The following TRHR variants were observed in gnomAD, a reference collection of about 807,000 sequenced individuals.
The protein encoded by TRHR is thyrotropin-releasing hormone receptor.
In TRHR, 14 loss-of-function variants were observed where a neutral mutation model predicts 28.0. The observed-to-expected ratio is 0.50, with a 90% confidence interval of 0.33 to 0.78. TRHR has a LOEUF of 0.78. Ranked by LOEUF, TRHR falls within the 30% of genes least tolerant of loss-of-function variation. The probability of loss-of-function intolerance (pLI) is 0.02; values close to 1 mark genes in which losing one functional copy is unlikely to be tolerated. For synonymous variants in TRHR, 176 were observed against 171.9 expected (o/e 1.02, Z -0.18); for missense variants, 438 against 469.5 (o/e 0.93, Z 0.62).
intron 2 of TRHR, among the ~76,000 whole-genome samples, chr8:109,101,196 C>T (rs146062665): frequency 5.3e-4 from 81 of 152,082 alleles, no homozygotes; most frequent in African/African-American, 1.8e-3. Context: ...GGGCAAGATA[C>T]GAATCAATCT....
intron 2 of TRHR, among the ~76,000 whole-genome samples, chr8:109,090,668 A>G (rs1277286245): frequency 2.0e-5 from 3 of 152,338 alleles, no homozygotes; most frequent in Middle Eastern, 3.4e-3. Flanking sequence ...CAGGGATCAG[A>G]GAAGTCTTTA....
At chr8:109,110,524 A>G (rs186289807) in intron 2 of TRHR, among the ~76,000 whole-genome samples, 60 of 152,224 alleles carry the variant, frequency 3.9e-4, no homozygotes, top group Non-Finnish European at 1.5e-5. Context: ...TTTTAATCAG[A>G]ATAGAGCCCA....
chr8:109,109,411 T>C (rs1200409825), intron 2 of TRHR, among the ~76,000 whole-genome samples: 2 of 150,420 alleles, frequency 1.3e-5, no homozygotes, highest in East Asian at 3.9e-4. Flanking sequence ...AAAATGCAGA[T>C]AAAAAGTAGG....
intron 2 of TRHR, among the ~76,000 whole-genome samples, chr8:109,090,784 G>C (rs191089861): frequency 1.3e-5 from 2 of 152,300 alleles, no homozygotes; most frequent in East Asian, 1.9e-4. Flanking sequence ...CATAGTGGCT[G>C]GGATGAGAAT....
chr8:109,093,819 T>G (rs2129878353), intron 2 of TRHR, among the ~76,000 whole-genome samples: 1 of 150,862 alleles, frequency 6.6e-6, no homozygotes, highest in Non-Finnish European at 1.5e-5. Flanking sequence ...TTGACCCAGC[T>G]CTACCTTTAG....
At chr8:109,088,444 A>G in intron 2 of TRHR, 143 bp downstream of exon 2, 2 of 926,186 alleles carry the variant, frequency 2.2e-6, no homozygotes, top group African/African-American at 1.7e-5. Context: ...CTTCTGCCTA[A>G]CATATTAAAT....
rs767535320 is a variant in TRHR at position 109,119,137 on chromosome 8, C to T, written c.879C>T (p.Ser293=). The T allele has an allele frequency of 2.5e-6, 4 of 1,612,694 alleles. No homozygotes were observed. The South Asian group carries it at 3.3e-5, about 13-fold the overall frequency. The part of the protein sequence containing the change: ...RTLVVVNSFL[S]SPFQENWFLL... The stretch of plus-strand genomic sequence containing the variant: ...TAGTGGTTGTCAACTCATTTCTCTC[C>T]AGTCCTTTCCAAGAAAATTGGTTTT... Residue 293 remains serine, a synonymous_variant, in exon 3 of 3, where the codon TCC becomes TCT. Transcript: ENST00000518632.
chr8:109,111,691 A>T (rs1811832367), intron 2 of TRHR, among the ~76,000 whole-genome samples: 1 of 152,182 alleles, frequency 6.6e-6, no homozygotes. Flanking sequence ...ACTCAATAAT[A>T]ATTTAACTGT....
intron 2 of TRHR, among the ~76,000 whole-genome samples, chr8:109,107,510 T>C (rs1002365200): frequency 6.6e-6 from 1 of 152,192 alleles, no homozygotes; most frequent in African/African-American, 2.4e-5. Flanking sequence ...ATACTAATAC[T>C]GCAAACCAAC....
chr8:109,116,587 T>C (rs1167054535), intron 2 of TRHR, among the ~76,000 whole-genome samples: 2 of 152,060 alleles, frequency 1.3e-5, no homozygotes, highest in Non-Finnish European at 2.9e-5. Context: ...AGTTTATTTG[T>C]GTAGAGGTGT....
chr8:109,115,155 T>A (rs1031180647), intron 2 of TRHR, among the ~76,000 whole-genome samples: 2 of 152,154 alleles, frequency 1.3e-5, no homozygotes, highest in African/African-American at 4.8e-5. Flanking sequence ...GAGGGCTCTG[T>A]TCTGTTCCAT....
In TRHR at chr8:109,088,283, A is replaced by T. The variant is rs774958577; in HGVS notation, c.771A>T (p.Thr257=). 19 of 1,613,824 alleles carry T rather than the reference A, an allele frequency of 1.2e-5. No homozygotes were observed. The highest frequency in any genetic ancestry group is 1.5e-5 in the Non-Finnish European group (18 of 1,180,012). Residue 257 remains threonine (T), a synonymous_variant, in exon 2 of 3, where the codon ACA becomes ACT. Transcript: ENST00000518632. ...CCTCTAATAGATGTTTCAACAGCAC[A>T]GTATCTTCAAGGAAGCAGGTAAGCA... ...VNTSNRCFNS[T]VSSRKQVTKM...
chr8:109,102,528 GA>G (rs1240984827), intron 2 of TRHR, among the ~76,000 whole-genome samples: 1 of 152,132 alleles, frequency 6.6e-6, no homozygotes, highest in African/African-American at 2.4e-5. Flanking sequence ...AATTAAAGAA[GA>G]AATGAATGAG....
At chr8:109,111,588 A>G (rs191423981) in intron 2 of TRHR, among the ~76,000 whole-genome samples, 106 of 152,364 alleles carry the variant, frequency 7.0e-4, no homozygotes, top group Non-Finnish European at 8.8e-4. Flanking sequence ...CAGAAGAAAT[A>G]CAAGAACTAG....
rs565503092 is a variant in TRHR, at chr8:109,093,439, C to T, written c.789+5138C>T. Reference sequence around the variant, plus strand: ...TTTTTTTTTTTGAGACAGAGTCTCACCCTGTCACCAGGCTGGAGTGCAGTG... The same window carrying T: ...TTTTTTTTTTTGAGACAGAGTCTCATCCTGTCACCAGGCTGGAGTGCAGTG... On this transcript the variant is annotated intron_variant, in intron 2 of 2. Transcript: ENST00000518632. Among the ~76,000 whole-genome samples, 398 of 131,692 alleles carry T rather than the reference C, an allele frequency of 3.0e-3. 1 individual carries two copies. Among genetic ancestry groups the T allele is most frequent in the African/African-American group, 0.011 (376 of 34,346 alleles). 86.4% of individuals were successfully genotyped at this position (131,692 alleles called of 152,430 possible). A position where few individuals can be genotyped will look rare whatever the true frequency, so the allele number is the denominator to read the frequency against.
intron 2 of TRHR, among the ~76,000 whole-genome samples, chr8:109,117,235 A>G (rs1444568974): frequency 2.6e-5 from 4 of 151,950 alleles, no homozygotes; most frequent in African/African-American, 9.7e-5. Flanking sequence ...GAAAGGGCAA[A>G]GTATATAGGA....
chr8:109,118,538 A>G (rs1811953150), intron 2 of TRHR, among the ~76,000 whole-genome samples: 1 of 151,812 alleles, frequency 6.6e-6, no homozygotes, highest in South Asian at 2.1e-4. Context: ...TTCTCTTACA[A>G]GACTCTGATT....
intron 2 of TRHR, among the ~76,000 whole-genome samples, chr8:109,116,130 C>A (rs916418536): frequency 6.6e-6 from 1 of 152,110 alleles, no homozygotes; most frequent in African/African-American, 2.4e-5. Context: ...GTTGAACCAG[C>A]CTTGCATCCC....
intron 2 of TRHR, among the ~76,000 whole-genome samples, chr8:109,095,230 A>G (rs1811571365): frequency 6.6e-6 from 1 of 152,188 alleles, no homozygotes; most frequent in Non-Finnish European, 1.5e-5. Flanking sequence ...TGGGCCATGT[A>G]CACAAACAAT....
Sources: allele counts gnomAD v4.1 joint callset (sites outside exome capture counted in the v4.1 genomes callset), GRCh38; gene constraint gnomAD v4.1.1; transcripts MANE v1.5; gene names NCBI Gene and HGNC (gene_info 2026-07-23, HGNC 2026-07-21).